Variants in GALNT13 observed in about 807,000 individuals in gnomAD.
GALNT13 encodes UDP-GalNAc:polypeptide N-acetylgalactosaminyltransferase 13.
A neutral mutation model predicts 64.2 loss-of-function variants in GALNT13; 28 were observed. The ratio of observed to expected loss-of-function variants is 0.44; its 90% CI spans 0.32 to 0.60. GALNT13 has a LOEUF of 0.60. Ranked by LOEUF, GALNT13 falls within the 20% of genes least tolerant of loss-of-function variation. The pLI, the probability that GALNT13 is intolerant of heterozygous loss-of-function variation, is 0.05. For missense variants in GALNT13, 577 were observed against 669.8 expected (o/e 0.86, Z 1.53); for synonymous variants, 214 against 224.6 (o/e 0.95, Z 0.42).
chr2:153,299,571 TAAAATC>T, the GALNT13 span, among the ~76,000 whole-genome samples: 1 of 152,088 alleles, frequency 6.6e-6, no homozygotes, highest in Admixed American at 6.5e-5. Flanking sequence ...GCTGGAAAAA[TAAAATC>T]CTTAGCCAGT....
intron 3 of GALNT13, among the ~76,000 whole-genome samples, chr2:153,990,237 G>A (rs1223681782): frequency 6.6e-6 from 1 of 152,052 alleles, no homozygotes; most frequent in Non-Finnish European, 1.5e-5. Context: ...GGCATTCTGA[G>A]TCAGGCAGCT....
the GALNT13 span, among the ~76,000 whole-genome samples, chr2:153,235,299 A>G: frequency 1.9e-3 from 295 of 152,300 alleles, 2 homozygotes; most frequent in African/African-American, 6.7e-3. Flanking sequence ...GAGTGAGTCC[A>G]AAGTAAAAGT....
chr2:154,232,588 G>A (rs538099620), intron 4 of GALNT13, among the ~76,000 whole-genome samples: 1 of 152,066 alleles, frequency 6.6e-6, no homozygotes, highest in African/African-American at 2.4e-5. Flanking sequence ...ATTGTTATCA[G>A]AAACACTATC....
At chr2:153,828,370 AC>A in the GALNT13 span, among the ~76,000 whole-genome samples, 1 of 152,202 alleles carries the variant, frequency 6.6e-6, no homozygotes, top group African/African-American at 2.4e-5. Context: ...GAGTTTCTAT[AC>A]ATCCTCTGAA....
chr2:154,338,810 G>A (rs1267951848), intron 9 of GALNT13, among the ~76,000 whole-genome samples: 1 of 151,980 alleles, frequency 6.6e-6, no homozygotes, highest in Non-Finnish European at 1.5e-5. Context: ...TAAGGTGTGG[G>A]CTCTGTCATG....
chr2:153,979,543 A>G (rs187592632), intron 3 of GALNT13, among the ~76,000 whole-genome samples: 4 of 152,204 alleles, frequency 2.6e-5, no homozygotes, highest in Non-Finnish European at 4.4e-5. Flanking sequence ...TGCAATACTC[A>G]TCAATTTCAA....
rs1226536279 is a variant in GALNT13 at position 154,374,935 on chromosome 2, A to T, written c.1157-21056A>T. On this transcript the variant is annotated intron_variant, in intron 9 of 12. Transcript: ENST00000392825. The stretch of plus-strand genomic sequence containing the variant: ...CTGATCAGTTATTTAGAATACAGTC[A>T]TTCATTTCCTGGACAGGGAAATGTA... 3.9e-5 allele frequency among the ~76,000 whole-genome samples: 6 copies of T among 152,346 alleles called. No individual in the cohort carries two copies. In the East Asian group the frequency reaches 1.2e-3, roughly 29 times the overall value.
intron 11 of GALNT13, among the ~76,000 whole-genome samples, chr2:154,428,930 A>G (rs1700588361): frequency 6.6e-6 from 1 of 151,820 alleles, no homozygotes; most frequent in Non-Finnish European, 1.5e-5. Context: ...ACCACTAACT[A>G]TTGTTAATTG....
chr2:154,346,607 G>T (rs112775815), intron 9 of GALNT13, among the ~76,000 whole-genome samples: 1 of 151,938 alleles, frequency 6.6e-6, no homozygotes, highest in Non-Finnish European at 1.5e-5. Context: ...TGTACCTTTT[G>T]CCTTCTGCCA....
the GALNT13 span, among the ~76,000 whole-genome samples, chr2:153,489,906 C>T: frequency 1.3e-5 from 2 of 151,856 alleles, no homozygotes; most frequent in African/African-American, 4.8e-5. Flanking sequence ...ATTATTAGAG[C>T]CCAGGAGTTT....
At chr2:153,200,696 A>G in the GALNT13 span, among the ~76,000 whole-genome samples, 1 of 152,236 alleles carries the variant, frequency 6.6e-6, no homozygotes, top group Non-Finnish European at 1.5e-5. Flanking sequence ...TTTGAGGATT[A>G]GAGAAATGCA....
intron 8 of GALNT13, among the ~76,000 whole-genome samples, chr2:154,265,802 A>T (rs1690963707): frequency 6.6e-6 from 1 of 152,238 alleles, no homozygotes; most frequent in Admixed American, 6.5e-5. Context: ...AACTTGACAA[A>T]GTCATTACAA....
the GALNT13 span, among the ~76,000 whole-genome samples, chr2:153,120,999 T>A: frequency 1.3e-5 from 2 of 152,232 alleles, no homozygotes; most frequent in Non-Finnish European, 2.9e-5. Context: ...CCTATAGTTA[T>A]AATCTTAGTG....
At chr2:153,206,855 G>T in the GALNT13 span, among the ~76,000 whole-genome samples, 1 of 151,962 alleles carries the variant, frequency 6.6e-6, no homozygotes, top group Non-Finnish European at 1.5e-5. Flanking sequence ...TAATAAAGAA[G>T]TCAATAGTTC....
chr2:154,094,627 C>G (rs1162194228), intron 3 of GALNT13, among the ~76,000 whole-genome samples: 1 of 151,782 alleles, frequency 6.6e-6, no homozygotes, highest in Non-Finnish European at 1.5e-5. Context: ...CTATTTTTGT[C>G]TCCTTCCAAA....
At chr2:154,359,347 T>G (rs565030332) in intron 9 of GALNT13, among the ~76,000 whole-genome samples, 1 of 152,038 alleles carries the variant, frequency 6.6e-6, no homozygotes, top group East Asian at 1.9e-4. Context: ...ACAAGAGAAA[T>G]CTAAAGTGAA....
intron 1 of GALNT13, among the ~76,000 whole-genome samples, chr2:153,888,963 AT>A (rs1687367179): frequency 6.6e-6 from 1 of 152,038 alleles, no homozygotes; most frequent in Non-Finnish European, 1.5e-5. Flanking sequence ...TTCCATAGTT[AT>A]AAAATATTTA....
At chr2:153,551,544 T>C in the GALNT13 span, among the ~76,000 whole-genome samples, 1 of 152,082 alleles carries the variant, frequency 6.6e-6, no homozygotes, top group East Asian at 1.9e-4. Flanking sequence ...GTGGCAATGG[T>C]GATAGTAGAA....
chr2:153,272,171 C>A, the GALNT13 span, among the ~76,000 whole-genome samples: 1 of 151,998 alleles, frequency 6.6e-6, no homozygotes, highest in Admixed American at 6.6e-5. Context: ...AGAAGAAAAC[C>A]TAGGCAATAC....
Sources: allele counts gnomAD v4.1 joint callset (sites outside exome capture counted in the v4.1 genomes callset), GRCh38; gene constraint gnomAD v4.1.1; transcripts MANE v1.5; gene names NCBI Gene and HGNC (gene_info 2026-07-23, HGNC 2026-07-21).